Variants in VCAN observed in about 807,000 individuals in gnomAD.
VCAN encodes versican core protein.
VCAN carries 44 observed loss-of-function variants against 245.5 expected under a neutral mutation model. That is an observed-to-expected ratio of 0.18 (90% CI 0.14 to 0.23). The LOEUF is 0.23. Among genes scored for constraint, VCAN ranks in the 10% least tolerant of loss-of-function variants. The pLI is 1.00. For missense variants in VCAN, 3,793 were observed against 4,057.9 expected (o/e 0.93, Z 1.77); for synonymous variants, 1,413 against 1,437.0 (o/e 0.98, Z 0.38).
At chr5:83,473,480 A>G (rs538426508) in intron 1 of VCAN, among the ~76,000 whole-genome samples, 3 of 151,942 alleles carry the variant, frequency 2.0e-5, no homozygotes, top group Admixed American at 2.0e-4. Context: ...CTCTGTCTCC[A>G]TCTTCTCTGC....
At chr5:83,474,570 G>T (rs1406699375) in intron 1 of VCAN, among the ~76,000 whole-genome samples, 1 of 152,206 alleles carries the variant, frequency 6.6e-6, no homozygotes, top group South Asian at 2.1e-4. Flanking sequence ...CCCCGCAGCG[G>T]CTGGGTTAGC....
chr5:83,522,404 C>G, intron 7 of VCAN, 95 bp downstream of exon 7: 1 of 1,317,476 alleles, frequency 7.6e-7, no homozygotes, highest in East Asian at 2.3e-5. Flanking sequence ...CCAAATGCTG[C>G]TATTAGAAGA....
chr5:83,526,186 C>T (rs1746289908), intron 7 of VCAN, among the ~76,000 whole-genome samples: 1 of 152,168 alleles, frequency 6.6e-6, no homozygotes, highest in Admixed American at 6.5e-5. Flanking sequence ...GATCCACCTG[C>T]CACGGCCTCC....
intron 3 of VCAN, among the ~76,000 whole-genome samples, chr5:83,493,326 T>C (rs935083318): frequency 6.6e-6 from 1 of 152,210 alleles, no homozygotes; most frequent in African/African-American, 2.4e-5. Flanking sequence ...CCTAGGAAAT[T>C]TTCTGGTGGA....
chr5:83,524,463 TACA>T (rs1434278938), intron 7 of VCAN, among the ~76,000 whole-genome samples: 2 of 152,108 alleles, frequency 1.3e-5, no homozygotes, highest in Admixed American at 1.3e-4. Flanking sequence ...TATATGTGTG[TACA>T]ACAAGGGGAT....
intron 7 of VCAN, among the ~76,000 whole-genome samples, chr5:83,531,072 ACTG>A (rs367923677): frequency 2.1e-3 from 314 of 152,258 alleles, no homozygotes; most frequent in African/African-American, 7.3e-3. Flanking sequence ...CTTCTAAGTA[ACTG>A]CTAGAATGAT....
intron 10 of VCAN, among the ~76,000 whole-genome samples, chr5:83,549,675 A>G (rs143761663): frequency 2.8e-4 from 43 of 152,280 alleles, no homozygotes; most frequent in African/African-American, 1.0e-3. Context: ...TGAAAGTAAA[A>G]AGTGTTAATT....
At chr5:83,579,467 G>A (rs981879039) in intron 13 of VCAN, among the ~76,000 whole-genome samples, 1 of 152,062 alleles carries the variant, frequency 6.6e-6, no homozygotes, top group South Asian at 2.1e-4. Flanking sequence ...GTTTCACCAT[G>A]TTGGCCAGGA....
chr5:83,523,341 A>G (rs1746173169), intron 7 of VCAN, among the ~76,000 whole-genome samples: 1 of 152,038 alleles, frequency 6.6e-6, no homozygotes, highest in South Asian at 2.1e-4. Flanking sequence ...TCATTTTCAT[A>G]TAAGAATTAA....
At chr5:83,523,174 C>A (rs571885096) in intron 7 of VCAN, among the ~76,000 whole-genome samples, 1 of 152,086 alleles carries the variant, frequency 6.6e-6, no homozygotes, top group Non-Finnish European at 1.5e-5. Context: ...TGATCAAATA[C>A]GATTTATTGC....
Position 83,538,756 on chromosome 5 carries a change from G to A in VCAN, c.5753G>A (p.Gly1918Glu). 2.5e-6 allele frequency: 4 copies of A among 1,613,906 alleles called. No homozygotes were observed. Among genetic ancestry groups the A allele is most frequent in the Non-Finnish European group, 3.4e-6 (4 of 1,179,946 alleles). Residue 1918 changes from glycine to glutamate, a missense_variant, in exon 8 of 15, where the codon GGG becomes GAG. This residue lies in a region of VCAN where 3,182 missense variants were observed against 3,250.3 expected (regional missense o/e 0.98). Transcript: ENST00000265077. Reference sequence around the variant, plus strand: ...GAGCGATTAGGAGAACCAAATTATGGGGCAGAAATAAGGGGCTTTTCCACA... The same window carrying A: ...GAGCGATTAGGAGAACCAAATTATGAGGCAGAAATAAGGGGCTTTTCCACA... ...ISERLGEPNY[G>E]AEIRGFSTGF...
chr5:83,542,203 A>G lies in VCAN; in HGVS notation c.9200A>G (p.Asn3067Ser). The G allele has an allele frequency of 1.2e-6, 2 of 1,614,100 alleles. No homozygotes were observed. Among genetic ancestry groups the G allele is most frequent in the Non-Finnish European group, 8.5e-7 (1 of 1,179,964 alleles). Reference sequence around the variant, plus strand: ...CCATTTTCCCTTCTGGAGACTTCTAATGAAACAGATTTCCTGATTGGCATT... The same window carrying G: ...CCATTTTCCCTTCTGGAGACTTCTAGTGAAACAGATTTCCTGATTGGCATT... ...TPPFSLLETS[N>S]ETDFLIGINE... The change falls in exon 8 of 15, where the codon AAT becomes AGT. Residue 3067 changes from asparagine to serine, a missense_variant. Transcript: ENST00000265077.
At chr5:83,476,958 C>A (rs147353569) in intron 1 of VCAN, among the ~76,000 whole-genome samples, 1 of 152,040 alleles carries the variant, frequency 6.6e-6, no homozygotes, top group African/African-American at 2.4e-5. Flanking sequence ...ACATATTTTA[C>A]AATAAACATA....
At chr5:83,514,802 C>T (rs1213313997) in intron 6 of VCAN, among the ~76,000 whole-genome samples, 1 of 152,132 alleles carries the variant, frequency 6.6e-6, no homozygotes, top group African/African-American at 2.4e-5. Context: ...TTCAAAATGA[C>T]TTAATTGATG....
intron 7 of VCAN, 34 bp downstream of exon 7, chr5:83,522,343 C>G: frequency 6.3e-7 from 1 of 1,593,084 alleles, no homozygotes; most frequent in South Asian, 1.1e-5. Flanking sequence ...GCATTGAAGG[C>G]AATCCTCATT....
At position 83,554,941 on chromosome 5, in the gene VCAN, T is replaced by C; in HGVS notation, c.9653-15T>C. 6.2e-7 allele frequency: 1 copy of C among 1,612,300 alleles called. No individual in the cohort carries two copies. ...AAAAGTAGTACAAATATCTGTGTGG[T>C]TTCCTATCCCTTAGGTGTGGGCCAT... On this transcript the variant is annotated splice_polypyrimidine_tract_variant and intron_variant, in intron 11 of 14. Coordinates refer to ENST00000265077, the MANE Select transcript of VCAN (RefSeq NM_004385.5).
chr5:83,473,149 C>A (rs992279494), intron 1 of VCAN, among the ~76,000 whole-genome samples: 1 of 152,196 alleles, frequency 6.6e-6, no homozygotes, highest in Non-Finnish European at 1.5e-5. Flanking sequence ...AGCGCCCCAC[C>A]GTCCTGCAGA....
Position 83,541,777 on chromosome 5 carries a change from G to A in VCAN, c.8774G>A (p.Gly2925Glu), listed in dbSNP as rs144543963. 1.5e-5 allele frequency: 24 copies of A among 1,614,064 alleles called. No homozygotes were observed. In the African/African-American group the frequency reaches 2.1e-4, roughly 14 times the overall value. Residue 2925 changes from glycine (G) to glutamate (E), a missense_variant, in exon 8 of 15, where the codon GGA becomes GAA. Gly to Glu is a moderately conservative substitution (Grantham distance 98). Coordinates refer to ENST00000265077, the MANE Select transcript of VCAN (RefSeq NM_004385.5). The part of the protein sequence containing the change: ...ASPTELIAVE[G>E]TEILQDFQNK... ...CCCACAGAACTTATTGCTGTGGAAG[G>A]AACTGAGATTCTCCAAGATTTCCAA...
chr5:83,521,688 C>T lies in VCAN; in HGVS notation c.3382C>T (p.Pro1128Ser). The T allele has an allele frequency of 6.2e-7, 1 of 1,613,824 alleles. No homozygotes were observed. The highest frequency in any genetic ancestry group is 8.5e-7 in the Non-Finnish European group (1 of 1,179,988). ...EVVTLTPRIG[P>S]KVSLSPGPEQ... ...GGTAACACTAACACCACGCATTGGG[C>T]CAAAAGTATCTTTAAGTCCAGGGCC... Residue 1128 changes from proline (P) to serine (S), a missense_variant, in exon 7 of 15, where the codon CCA (proline) becomes TCA (serine). Pro to Ser is a moderately conservative substitution (Grantham distance 74). Around this residue, in one of 5 missense-constraint regions of VCAN, gnomAD observed 3,182 missense variants for 3,250.3 expected, o/e 0.98. Transcript: ENST00000265077.
Sources: gnomAD v4.1 joint callset for allele counts (sites outside exome capture counted in the v4.1 genomes callset) on GRCh38, gnomAD v4.1.1 for gene constraint, gnomAD v4.1.1 regional missense constraint, MANE v1.5 for transcripts, NCBI Gene and HGNC (gene_info 2026-07-23, HGNC 2026-07-21) for gene names.